Variants in DEPDC5 observed in about 807,000 individuals in gnomAD.
DEPDC5 encodes DEP domain containing 5, GATOR1 subcomplex subunit.
In DEPDC5, 73 loss-of-function variants were observed where a neutral mutation model predicts 217.3. The observed-to-expected ratio is 0.34, with a 90% CI of 0.28 to 0.41. DEPDC5 has a LOEUF of 0.41. DEPDC5 is among the 10% of genes least tolerant of loss of function. The pLI is 1.00. For missense variants in DEPDC5, 1,675 were observed against 2,070.1 expected, an observed-to-expected ratio of 0.81 and a Z score of 3.70; for synonymous variants, 733 against 756.7, an observed-to-expected ratio of 0.97 and a Z score of 0.51.
intron 18 of DEPDC5, among the ~76,000 whole-genome samples, chr22:31,807,337 G>A (rs1279474998): frequency 1.3e-5 from 2 of 152,200 alleles, no homozygotes; most frequent in Non-Finnish European, 2.9e-5. Flanking sequence ...GAAAACAATA[G>A]ATCAATGGCT....
rs534494834 is a variant in DEPDC5, at chr22:31,864,152, A to G, written c.3330+2719A>G. ...AGATGGAATTTCATTCTTGTTGCCC[A>G]GGCTGGAGTACAATGGCGCAGTCTC... is the stretch of plus-strand genomic sequence containing the variant. On this transcript the variant is annotated intron_variant, in intron 33 of 42. Transcript: ENST00000651528. Among the ~76,000 whole-genome samples the G allele has an allele frequency of 1.2e-4, 18 of 149,072 alleles. No individual in the cohort carries two copies. The South Asian group carries it at 2.1e-3, about 18-fold the overall frequency.
chr22:31,864,049 GTA>G (rs976485427), intron 33 of DEPDC5, among the ~76,000 whole-genome samples: 3 of 151,516 alleles, frequency 2.0e-5, no homozygotes, highest in African/African-American at 7.3e-5. Flanking sequence ...CTTGCTTTGT[GTA>G]TTTTCTGATG....
chr22:31,838,609 A>G (rs2091195361), intron 26 of DEPDC5, 76 bp from the exon 27 acceptor site: 6 of 1,555,886 alleles, frequency 3.9e-6, no homozygotes, highest in African/African-American at 1.4e-5. Flanking sequence ...AGCAAAGGAG[A>G]TGATGAGACT....
chr22:31,770,430 G>T (rs1245887946), intron 7 of DEPDC5, among the ~76,000 whole-genome samples: 11 of 151,366 alleles, frequency 7.3e-5, no homozygotes, highest in Non-Finnish European at 1.5e-4. Flanking sequence ...ACCCAGGCTG[G>T]AGTGCAGTGG....
chr22:31,856,151 A>ACGCG lies in DEPDC5; in HGVS notation c.3156-1292_3156-1289dup, dbSNP rs201115238. 3.8e-4 allele frequency among the ~76,000 whole-genome samples: 34 copies of ACGCG among 89,626 alleles called. 1 individual carries two copies. Among genetic ancestry groups the ACGCG allele is most frequent in the Non-Finnish European group, 6.5e-4 (31 of 47,636 alleles). 58.8% of individuals were successfully genotyped at this position (89,626 alleles called of 152,430 possible). A position where few individuals can be genotyped will look rare whatever the true frequency, so the allele number is the denominator to read the frequency against. Reference sequence around the variant, plus strand: ...CTCAGAGATGTGCTGAGTTGGGCCAACGCGCACACACACACACACACACAC... The same window carrying ACGCG: ...CTCAGAGATGTGCTGAGTTGGGCCAACGCGCGCGCACACACACACACACACACAC... On this transcript the variant is annotated intron_variant, in intron 31 of 42. Coordinates refer to ENST00000651528, the MANE Select transcript of DEPDC5 (RefSeq NM_001242896.3).
At chr22:31,888,292 C>G (rs1465578324) in intron 38 of DEPDC5, among the ~76,000 whole-genome samples, 3 of 146,868 alleles carry the variant, frequency 2.0e-5, no homozygotes, top group Non-Finnish European at 4.5e-5. Context: ...CTTTGTCGCC[C>G]AGGCTGGAGT....
rs1234869480 is a variant in DEPDC5, at chr22:31,886,032, C to CA, written c.4033+6296dup. On this transcript the variant is annotated intron_variant, in intron 38 of 42. Transcript: ENST00000651528. The stretch of plus-strand genomic sequence containing the variant: ...TGGGTGACAGAGCGAGACTCCCTCT[C>CA]AAAAAAAAAAAAAAAAGACAAGGTC... Among the ~76,000 whole-genome samples, 1,028 of 105,136 alleles carry CA rather than the reference C, an allele frequency of 9.8e-3. 4 individuals are homozygous for CA. The highest frequency in any genetic ancestry group is 0.026 in the African/African-American group (781 of 29,678). 69.0% of individuals were successfully genotyped at this position (105,136 alleles called of 152,430 possible).
chr22:31,886,242 A>G (rs374558765), intron 38 of DEPDC5, among the ~76,000 whole-genome samples: 48 of 152,146 alleles, frequency 3.2e-4, no homozygotes, highest in East Asian at 1.9e-3. Flanking sequence ...CAGGCTGGTC[A>G]TGAACTCCTC....
At chr22:31,756,103 G>A (rs1286004330) in intron 2 of DEPDC5, among the ~76,000 whole-genome samples, 2 of 146,576 alleles carry the variant, frequency 1.4e-5, no homozygotes, top group East Asian at 2.0e-4. Context: ...GGCTGGTCTC[G>A]AACTCCTGAG....
At position 31,906,612 on chromosome 22, in the gene DEPDC5, T is replaced by TG. The variant is rs2093764091; in HGVS notation, c.*120dup. ...GTGTCCGTTTGCTGCTATCAGTGAGTGGGGGCCATTGTTTTTTGTTTGTTT... is the reference window on the plus strand; with the variant it reads ...GTGTCCGTTTGCTGCTATCAGTGAGTGGGGGGCCATTGTTTTTTGTTTGTTT... On this transcript the variant is annotated 3_prime_UTR_variant, in exon 43 of 43. Transcript: ENST00000651528. The surrounding 1 kb of genome is among the most constrained non-coding windows in gnomAD (Gnocchi z 5.1). The TG allele has an allele frequency of 6.2e-6, 8 of 1,291,362 alleles. No individual in the cohort carries two copies. Among genetic ancestry groups the TG allele is most frequent in the Non-Finnish European group, 7.5e-6 (7 of 936,862 alleles). The allele number at this position is 1,291,362 out of a possible 1,614,324, so 80.0% of individuals were successfully genotyped here.
At position 31,906,441 on chromosome 22, in the gene DEPDC5, C is replaced by T. The variant is rs768925194; in HGVS notation, c.4756C>T (p.Arg1586Trp). The T allele has an allele frequency of 1.6e-5, 26 of 1,613,924 alleles. No individual in the cohort carries two copies. The highest frequency in any genetic ancestry group is 3.3e-5 in the Admixed American group (2 of 60,010). ...FTDFCINRDN[R>W]LVTFWTSCLE... ...GGACTTCTGCATCAACCGTGACAAC[C>T]GGCTGGTCACGTTCTGGACAAGTTG... The change falls in exon 43 of 43, where the codon CGG becomes TGG. Residue 1586 changes from arginine to tryptophan, a missense_variant. Physicochemically the swap from Arg to Trp is moderately radical, Grantham distance 101 (BLOSUM62 -3). Coordinates refer to ENST00000651528, the MANE Select transcript of DEPDC5 (RefSeq NM_001242896.3). The surrounding 1 kb of genome is among the most constrained non-coding windows in gnomAD (Gnocchi z 5.1).
intron 2 of DEPDC5, 82 bp downstream of exon 2, chr22:31,755,061 T>C: frequency 6.6e-7 from 1 of 1,522,782 alleles, no homozygotes; most frequent in South Asian, 1.1e-5. Context: ...ACACACTGAC[T>C]CGTGTGACAA....
chr22:31,818,373 A>ATCCT (rs2089364828), intron 21 of DEPDC5, among the ~76,000 whole-genome samples: 2 of 152,186 alleles, frequency 1.3e-5, no homozygotes, highest in Non-Finnish European at 2.9e-5. Context: ...TCAGGAACTC[A>ATCCT]GGTTCCTTCC....
At chr22:31,873,949 C>A in intron 35 of DEPDC5, 1 of 284,880 alleles carries the variant, frequency 3.5e-6, no homozygotes, top group East Asian at 1.3e-4. Context: ...CCCGCCACCA[C>A]GCCCAGCTGA....
At chr22:31,837,767 T>C (rs1246928294) in intron 26 of DEPDC5, among the ~76,000 whole-genome samples, 1 of 152,078 alleles carries the variant, frequency 6.6e-6, no homozygotes, top group Non-Finnish European at 1.5e-5. Context: ...AGTGGTGCAG[T>C]CTCATCTCAC....
In DEPDC5 at chr22:31,804,149, T is replaced by C. The variant is rs1444580864; in HGVS notation, c.1082-13T>C. ...TCCCTCCCCACAATTCTTTTTGTCTTTTCTTTTTTTAGGAATTGGTGTGGA... is the reference window on the plus strand; with the variant it reads ...TCCCTCCCCACAATTCTTTTTGTCTCTTCTTTTTTTAGGAATTGGTGTGGA... On this transcript the variant is annotated splice_polypyrimidine_tract_variant and intron_variant, in intron 15 of 42. Transcript: ENST00000651528. 3 of 1,614,072 alleles carry C rather than the reference T, an allele frequency of 1.9e-6. No homozygotes were observed. The South Asian group carries it at 3.3e-5, about 18-fold the overall frequency.
At chr22:31,791,831 G>T (rs2085678980) in intron 10 of DEPDC5, among the ~76,000 whole-genome samples, 1 of 147,542 alleles carries the variant, frequency 6.8e-6, no homozygotes. Context: ...GGAGGCTGAG[G>T]CAGGAGAATT....
intron 8 of DEPDC5, among the ~76,000 whole-genome samples, chr22:31,781,810 G>T (rs1218806236): frequency 2.6e-5 from 4 of 152,138 alleles, no homozygotes; most frequent in Non-Finnish European, 4.4e-5. Context: ...GAGGTGGGGG[G>T]GATTGCTTGA....
intron 24 of DEPDC5, chr22:31,831,333 G>A (rs2090579983): frequency 6.6e-6 from 1 of 152,182 alleles, no homozygotes; most frequent in Non-Finnish European, 1.5e-5. Context: ...TACTGTATTT[G>A]TCTGACTTAA....
Sources: allele counts gnomAD v4.1 joint callset (sites outside exome capture counted in the v4.1 genomes callset), GRCh38; gene constraint gnomAD v4.1.1; non-coding constraint Gnocchi (gnomAD v3.1); transcripts MANE v1.5; gene names NCBI Gene and HGNC (gene_info 2026-07-23, HGNC 2026-07-21).